The following LGR4 variants were observed in gnomAD, a reference collection of about 807,000 sequenced individuals.
LGR4 encodes the protein leucine-rich repeat-containing G protein-coupled receptor 4.
In LGR4, 44 loss-of-function variants were observed where a neutral mutation model predicts 84.8. The observed-to-expected ratio is 0.52, with a 90% CI of 0.41 to 0.67. The LOEUF (loss-of-function observed/expected upper bound fraction) is 0.67. Ranked by LOEUF, LGR4 falls within the 30% of genes least tolerant of loss-of-function variation. LGR4 has a pLI of 0.00. For missense variants in LGR4, 1,032 were observed against 1,131.4 expected (o/e 0.91, Z 1.26); for synonymous variants, 429 against 434.3 (o/e 0.99, Z 0.15).
intron 2 of LGR4, among the ~76,000 whole-genome samples, chr11:27,412,107 T>C (rs1156515543): frequency 6.6e-6 from 1 of 152,088 alleles, no homozygotes; most frequent in East Asian, 1.9e-4. Context: ...CCAATTCTTT[T>C]AAAACCCGAA....
intron 6 of LGR4, among the ~76,000 whole-genome samples, chr11:27,383,871 C>T (rs547346058): frequency 3.3e-5 from 5 of 152,112 alleles, no homozygotes; most frequent in Admixed American, 6.6e-5. Flanking sequence ...CACTTTAGCT[C>T]GTGGAAACAA....
At chr11:27,402,262 T>C (rs1160541409) in intron 2 of LGR4, among the ~76,000 whole-genome samples, 1 of 152,160 alleles carries the variant, frequency 6.6e-6, no homozygotes, top group South Asian at 2.1e-4. Context: ...GGAAGTTTAC[T>C]AGGGATTTCT....
intron 2 of LGR4, among the ~76,000 whole-genome samples, chr11:27,398,877 A>G (rs1486580108): frequency 2.0e-5 from 3 of 151,992 alleles, no homozygotes; most frequent in Admixed American, 2.0e-4. Flanking sequence ...CCCCTCAGCA[A>G]TGTTTTCTCC....
chr11:27,385,384 G>A lies in LGR4; in HGVS notation c.486C>T (p.Asp162=), dbSNP rs993690712. The A allele has an allele frequency of 6.2e-7, 1 of 1,612,544 alleles. No homozygotes were observed. The highest frequency in any genetic ancestry group is 1.3e-5 in the African/African-American group (1 of 74,912). ...LVQLRHLWLD[D]NSLTEVPVHP... is the part of the protein sequence containing the mutation. ...GCACAGGCACCTCCGTCAAGCTGTT[G>A]TCATCCAGCCACAGATGCCGTAACT... Residue 162 remains aspartate, a synonymous_variant, in exon 5 of 18, where the codon GAC becomes GAT. Transcript: ENST00000379214.
intron 2 of LGR4, among the ~76,000 whole-genome samples, chr11:27,395,025 A>T (rs1159615008): frequency 6.6e-6 from 1 of 152,138 alleles, no homozygotes; most frequent in Admixed American, 6.6e-5. Context: ...GCTTGGTACA[A>T]GCAATCTCAA....
chr11:27,461,710 T>C (rs2133455115), intron 1 of LGR4, among the ~76,000 whole-genome samples: 1 of 152,134 alleles, frequency 6.6e-6, no homozygotes, highest in South Asian at 2.1e-4. Context: ...CTTCTTCCAG[T>C]GTGGTCCAGG....
In LGR4 at chr11:27,368,422, TG is replaced by T; in HGVS notation, c.2300del (p.Ser767TyrfsTer5). The T allele has an allele frequency of 6.2e-7, 1 of 1,614,070 alleles. No homozygotes were observed. Among genetic ancestry groups the T allele is most frequent in the Non-Finnish European group, 8.5e-7 (1 of 1,179,992 alleles). ...AGATTGCAGTGATCAATGGTGCAAA[TG>T]AAAAAAACGCCACAGGGCAGAAAAA... ...CIFFCPVAFF[S>X]FAPLITAISI... On this transcript the variant is annotated frameshift_variant, in exon 18 of 18. Coordinates refer to ENST00000379214, the MANE Select transcript of LGR4 (RefSeq NM_018490.5). LOFTEE classifies it high-confidence loss of function.
intron 2 of LGR4, among the ~76,000 whole-genome samples, chr11:27,399,160 C>A (rs1006654339): frequency 6.6e-6 from 1 of 152,190 alleles, no homozygotes; most frequent in African/African-American, 2.4e-5. Context: ...ATCCACCCCC[C>A]TCAGCCTGCC....
chr11:27,409,381 T>C (rs971953822), intron 2 of LGR4, among the ~76,000 whole-genome samples: 1 of 152,120 alleles, frequency 6.6e-6, no homozygotes, highest in African/African-American at 2.4e-5. Context: ...TCAACTTTTG[T>C]GAAACTGACT....
At chr11:27,377,343 A>T (rs1022178557) in intron 11 of LGR4, 120 bp from the exon 12 acceptor site, 1 of 496,922 alleles carries the variant, frequency 2.0e-6, no homozygotes, top group Non-Finnish European at 3.6e-6. Context: ...ATGCCTGAAT[A>T]AGAAAAACAA....
intron 2 of LGR4, among the ~76,000 whole-genome samples, chr11:27,410,668 T>G (rs1003847324): frequency 1.1e-4 from 16 of 152,142 alleles, no homozygotes. Flanking sequence ...TTCTCTTGAG[T>G]GCCTACAGTA....
At chr11:27,447,616 C>T (rs1163234716) in intron 1 of LGR4, among the ~76,000 whole-genome samples, 1 of 152,138 alleles carries the variant, frequency 6.6e-6, no homozygotes, top group Non-Finnish European at 1.5e-5. Context: ...GGTTGCTCTG[C>T]CAATTTATTC....
At chr11:27,454,349 T>C (rs527545152) in intron 1 of LGR4, among the ~76,000 whole-genome samples, 1 of 152,364 alleles carries the variant, frequency 6.6e-6, no homozygotes, top group East Asian at 1.9e-4. Flanking sequence ...GGCAAGTCCT[T>C]AGCCTTGGCA....
intron 1 of LGR4, among the ~76,000 whole-genome samples, chr11:27,414,687 G>A (rs1213995693): frequency 3.3e-5 from 5 of 152,134 alleles, no homozygotes; most frequent in African/African-American, 7.2e-5. Flanking sequence ...CCTGGGGGAA[G>A]GGGCGAGGAA....
At chr11:27,444,949 TCA>T (rs1864363715) in intron 1 of LGR4, among the ~76,000 whole-genome samples, 1 of 152,110 alleles carries the variant, frequency 6.6e-6, no homozygotes, top group Non-Finnish European at 1.5e-5. Flanking sequence ...AACAAAGCCA[TCA>T]TTCTGGGGAG....
intron 1 of LGR4, among the ~76,000 whole-genome samples, chr11:27,426,997 T>C (rs989796692): frequency 6.6e-6 from 1 of 152,214 alleles, no homozygotes; most frequent in African/African-American, 2.4e-5. Context: ...AGTAATGACC[T>C]AATGTTACAA....
intron 11 of LGR4, among the ~76,000 whole-genome samples, chr11:27,377,909 C>T (rs1387819263): frequency 2.6e-5 from 4 of 152,096 alleles, no homozygotes; most frequent in Non-Finnish European, 4.4e-5. Flanking sequence ...TATTTCTGCT[C>T]CAACTTTTCT....
intron 2 of LGR4, among the ~76,000 whole-genome samples, chr11:27,406,707 G>A (rs536614636): frequency 1.1e-4 from 16 of 152,066 alleles, no homozygotes; most frequent in Non-Finnish European, 1.6e-4. Context: ...AGTAAGGGTC[G>A]TGATCTTTGC....
At chr11:27,409,433 A>AT (rs1863669317) in intron 2 of LGR4, among the ~76,000 whole-genome samples, 1 of 152,090 alleles carries the variant, frequency 6.6e-6, no homozygotes, top group South Asian at 2.1e-4. Flanking sequence ...TTCATTGTAA[A>AT]GCTCTAAACA....
Sources: allele counts gnomAD v4.1 joint callset (sites outside exome capture counted in the v4.1 genomes callset), GRCh38; gene constraint gnomAD v4.1.1; transcripts MANE v1.5; gene names NCBI Gene and HGNC (gene_info 2026-07-23, HGNC 2026-07-21).